TANGO2: variants seen among roughly 807,000 people sequenced by gnomAD.
The protein encoded by TANGO2 is transport and golgi organization 2 homolog.
Under a neutral mutation model 39.1 loss-of-function variants are expected in TANGO2, and 26 were observed. The ratio of observed to expected loss-of-function variants is 0.67; its 90% CI spans 0.49 to 0.92. The LOEUF is 0.92. TANGO2 is among the 40% of genes least tolerant of loss of function. The probability of loss-of-function intolerance (pLI) is 0.00; values close to 1 mark genes in which losing one functional copy is unlikely to be tolerated. For synonymous variants in TANGO2, 131 were observed against 144.5 expected (o/e 0.91, Z 0.67); for missense variants, 326 against 360.1 (o/e 0.91, Z 0.77).
chr22:20,057,153 G>A lies in TANGO2; in HGVS notation c.451+1140G>A, dbSNP rs922269474. ...CCCAGGCGTCCCTGGAGGGGCCCGA[G>A]GGAGATGATAAGCAGTCCCCAGGAC... is the stretch of plus-strand genomic sequence containing the variant. On this transcript the variant is annotated intron_variant, in intron 6 of 8. Transcript: ENST00000327374. The surrounding 1 kb of genome is among the most constrained non-coding windows in gnomAD (Gnocchi z 4.1). The A allele has an allele frequency of 3.9e-5, 14 of 362,286 alleles. No homozygotes were observed. Among genetic ancestry groups the A allele is most frequent in the African/African-American group, 3.0e-4 (14 of 46,900 alleles). The allele number at this position is 362,286 out of a possible 1,614,324, so 22.4% of individuals were successfully genotyped here.
intron 2 of TANGO2, among the ~76,000 whole-genome samples, chr22:20,039,923 G>T (rs1252905811): frequency 6.6e-6 from 1 of 151,370 alleles, no homozygotes; most frequent in Non-Finnish European, 1.5e-5. Flanking sequence ...CAGCGTGGGT[G>T]TCAGGTGGTG....
Position 20,044,421 on chromosome 22 carries a change from G to A in TANGO2, c.145+978G>A, listed in dbSNP as rs1249983265. 2.0e-5 allele frequency among the ~76,000 whole-genome samples: 3 copies of A among 152,230 alleles called. No individual in the cohort carries two copies. In the East Asian group the frequency reaches 5.8e-4, roughly 29 times the overall value. ...TGTGCCTGTGGCCCCAGCTACTCAGGAGGCTGAGGCTAGAGAATTGCCTGA... is the reference window on the plus strand; with the variant it reads ...TGTGCCTGTGGCCCCAGCTACTCAGAAGGCTGAGGCTAGAGAATTGCCTGA... On this transcript the variant is annotated intron_variant, in intron 3 of 8. Coordinates refer to ENST00000327374, the MANE Select transcript of TANGO2 (RefSeq NM_152906.7).
intron 1 of TANGO2, chr22:20,033,308 C>T: frequency 2.2e-6 from 1 of 459,182 alleles, no homozygotes; most frequent in Non-Finnish European, 4.3e-6. Context: ...TTATGGCCTT[C>T]CCTTGGACCA....
rs2048164857 is a variant in TANGO2 at position 20,060,394 on chromosome 22, G to A, written c.452-1136G>A. Reference sequence around the variant, plus strand: ...GAGATCCTCCCTCCCAAGTAGCTGGGACTGCAGATGTGTGCCACCATGTTC... The same window carrying A: ...GAGATCCTCCCTCCCAAGTAGCTGGAACTGCAGATGTGTGCCACCATGTTC... On this transcript the variant is annotated intron_variant, in intron 6 of 8. Transcript: ENST00000327374. Among the ~76,000 whole-genome samples, 7 of 151,722 alleles carry A rather than the reference G, an allele frequency of 4.6e-5. No homozygotes were observed. In the South Asian group the frequency reaches 1.5e-3, roughly 32 times the overall value.
rs1327667133 is a variant in TANGO2 at position 20,036,753 on chromosome 22, C to G, written c.-39-7C>G. On this transcript the variant is annotated splice_polypyrimidine_tract_variant and splice_region_variant and intron_variant, in intron 1 of 8. Coordinates refer to ENST00000327374, the MANE Select transcript of TANGO2 (RefSeq NM_152906.7). ...CCGCTCAACTCAGTGTTTTCCTTTTCCCGCAGACCTCGCGACCTGTGTCAG... is the reference window on the plus strand; with the variant it reads ...CCGCTCAACTCAGTGTTTTCCTTTTGCCGCAGACCTCGCGACCTGTGTCAG... The G allele has an allele frequency of 6.2e-7, 1 of 1,612,828 alleles. No individual in the cohort carries two copies. Among genetic ancestry groups the G allele is most frequent in the Admixed American group, 1.7e-5 (1 of 60,002 alleles).
upstream of TANGO2, among the ~76,000 whole-genome samples, chr22:20,017,990 A>G (rs1205083312): frequency 1.3e-5 from 2 of 152,176 alleles, no homozygotes; most frequent in African/African-American, 4.8e-5. Context: ...ACTGCCCACA[A>G]CCATGCTTAT....
chr22:20,064,639 T>G lies in TANGO2; in HGVS notation c.808T>G (p.Tyr270Asp). Residue 270 changes from tyrosine (Y) to aspartate (D), a missense_variant, in exon 9 of 9, where the codon TAT (tyrosine) becomes GAT (aspartate). Transcript: ENST00000327374. ...KDLSHWETRTYEFTLQS is the reference protein window; with the variant it reads ...KDLSHWETRTDEFTLQS ...CCTCTCCCACTGGGAGACCAGAACCTATGAGTTCACACTGCAGAGCTAACC... is the reference window on the plus strand; with the variant it reads ...CCTCTCCCACTGGGAGACCAGAACCGATGAGTTCACACTGCAGAGCTAACC... The G allele has an allele frequency of 6.2e-7, 1 of 1,614,086 alleles. No homozygotes were observed. The highest frequency in any genetic ancestry group is 8.5e-7 in the Non-Finnish European group (1 of 1,179,970).
chr22:20,036,133 T>A (rs1310280766), intron 1 of TANGO2, among the ~76,000 whole-genome samples: 1 of 152,110 alleles, frequency 6.6e-6, no homozygotes, highest in East Asian at 1.9e-4. Context: ...CAATGCATTG[T>A]GGGCTGCAAC....
intron 4 of TANGO2, chr22:20,053,217 G>T (rs529959339): frequency 2.0e-6 from 1 of 497,174 alleles, no homozygotes; most frequent in African/African-American, 2.0e-5. Context: ...GACATAGTGG[G>T]GAAATTTTTT....
intron 1 of TANGO2, among the ~76,000 whole-genome samples, chr22:20,033,893 A>G (rs1310116105): frequency 1.3e-5 from 2 of 152,320 alleles, no homozygotes; most frequent in East Asian, 3.9e-4. Context: ...TGAAGCTTTC[A>G]TTTCTAAAAT....
rs567033004 is a variant in TANGO2 at position 20,028,540 on chromosome 22, G to A, written c.-40+7294G>A. Among the ~76,000 whole-genome samples the A allele has an allele frequency of 1.4e-4, 21 of 152,384 alleles. No homozygotes were observed. The East Asian group carries it at 3.5e-3, about 25-fold the overall frequency. On this transcript the variant is annotated intron_variant, in intron 1 of 8. Coordinates refer to ENST00000327374, the MANE Select transcript of TANGO2 (RefSeq NM_152906.7). ...AGAGCTGCCAGTCGTGGCTACAGGA[G>A]ACTCAGCCTTAGGCTGGGGCACAGA...
rs2046530899 is a variant in TANGO2 at position 20,052,454 on chromosome 22, A to G, written c.146-11A>G. The G allele has an allele frequency of 6.3e-7, 1 of 1,593,458 alleles. No homozygotes were observed. The highest frequency in any genetic ancestry group is 8.5e-7 in the Non-Finnish European group (1 of 1,169,878). ...TGGCATCAATGGTGGTAACACTGTC[A>G]TCTGCCACAGGGCTGGACATGGAGG... On this transcript the variant is annotated splice_polypyrimidine_tract_variant and intron_variant, in intron 3 of 8. Transcript: ENST00000327374.
intron 1 of TANGO2, among the ~76,000 whole-genome samples, chr22:20,025,769 C>T (rs949118754): frequency 3.3e-5 from 5 of 152,194 alleles, no homozygotes; most frequent in African/African-American, 1.2e-4. Context: ...TGGACTTGGG[C>T]ACCTGCAGAG....
intron 3 of TANGO2, among the ~76,000 whole-genome samples, chr22:20,046,503 C>T (rs1270958691): frequency 2.2e-5 from 3 of 133,750 alleles, no homozygotes; most frequent in Non-Finnish European, 3.1e-5. Context: ...CTTGCTCTGT[C>T]GCTTAGGCTG....
chr22:20,050,772 A>G (rs2046181363), intron 3 of TANGO2, among the ~76,000 whole-genome samples: 1 of 149,470 alleles, frequency 6.7e-6, no homozygotes, highest in Non-Finnish European at 1.5e-5. Flanking sequence ...GTTCTAATAC[A>G]TCGGTTTTGG....
In TANGO2 at chr22:20,036,849, G is replaced by T. The variant is rs151161010; in HGVS notation, c.51G>T (p.Ala17=). 1 of 1,614,190 alleles carries T rather than the reference G, an allele frequency of 6.2e-7. No homozygotes were observed. The part of the protein sequence containing the change: ...KFDPRPVSKN[A]YRLILAANRD... Reference sequence around the variant, plus strand: ...ATCCTCGCCCTGTTTCCAAAAACGCGTACAGGTAACCCCCTCGCTCTGCAT... The same window carrying T: ...ATCCTCGCCCTGTTTCCAAAAACGCTTACAGGTAACCCCCTCGCTCTGCAT... The change falls in exon 2 of 9, where the codon GCG becomes GCT. Residue 17 remains alanine, a synonymous_variant. Coordinates refer to ENST00000327374, the MANE Select transcript of TANGO2 (RefSeq NM_152906.7).
intron 8 of TANGO2, chr22:20,063,657 C>G (rs890753803): frequency 1.2e-4 from 59 of 510,354 alleles, no homozygotes; most frequent in Non-Finnish European, 1.6e-4. Context: ...AGCCAGTACA[C>G]AGCCACACAG....
chr22:20,061,893 G>GCCCAGA, intron 7 of TANGO2: 1 of 570,628 alleles, frequency 1.8e-6, no homozygotes, highest in Non-Finnish European at 3.0e-6. Flanking sequence ...CAGAAGATGG[G>GCCCAGA]CCCAGGCCCA....
At position 20,061,632 on chromosome 22, in the gene TANGO2, C is replaced by T; in HGVS notation, c.554C>T (p.Pro185Leu). 6.4e-7 allele frequency: 1 copy of T among 1,568,902 alleles called. No homozygotes were observed. The change falls in exon 7 of 9, where the codon CCC (proline) becomes CTC (leucine). Residue 185 changes from proline to leucine, a missense_variant. Physicochemically the swap from Pro to Leu is moderately conservative, Grantham distance 98. Coordinates refer to ENST00000327374, the MANE Select transcript of TANGO2 (RefSeq NM_152906.7). The stretch of plus-strand genomic sequence containing the variant: ...GCTGTGGAACGGAGCCAGGCGCTGC[C>T]CAAGGATGTGCTCATCGCCAGCCTC... ...LEAVERSQAL[P>L]KDVLIASLLD...
Sources: gnomAD v4.1 joint callset for allele counts (sites outside exome capture counted in the v4.1 genomes callset) on GRCh38, gnomAD v4.1.1 for gene constraint, Gnocchi (gnomAD v3.1) non-coding constraint, MANE v1.5 for transcripts, NCBI Gene and HGNC (gene_info 2026-07-23, HGNC 2026-07-21) for gene names.